Variants in ZNF232 observed in about 807,000 individuals in gnomAD.
The protein encoded by ZNF232 is zinc finger protein 232, also known as zinc finger and SCAN domain-containing protein 11.
In ZNF232, 25 loss-of-function variants were observed where a neutral mutation model predicts 25.2. The ratio of observed to expected loss-of-function variants is 0.99; its 90% CI spans 0.72 to 1.39. The LOEUF (loss-of-function observed/expected upper bound fraction) is 1.39. Ranked by LOEUF, ZNF232 falls within the 40% of genes most tolerant of loss-of-function variation. ZNF232 has a pLI of 0.00. For missense variants in ZNF232, 519 were observed against 520.9 expected (o/e 1.00, Z 0.04); for synonymous variants, 193 against 182.9 (o/e 1.06, Z -0.45).
intron 3 of ZNF232, among the ~76,000 whole-genome samples, chr17:5,107,234 G>C (rs1211911992): frequency 1.3e-5 from 2 of 151,166 alleles, no homozygotes; most frequent in African/African-American, 2.4e-5. Context: ...TAAAAATACA[G>C]AAAATTAGCC....
chr17:5,112,048 G>C (rs968170912), upstream of ZNF232: 32 of 636,722 alleles, frequency 5.0e-5, no homozygotes, highest in South Asian at 6.2e-4. Context: ...TGCACGACTG[G>C]ACTGGAGCGG....
At chr17:5,113,444 T>G (rs1036063951), upstream of ZNF232, 1 of 152,252 alleles carries the variant, frequency 6.6e-6, no homozygotes, top group East Asian at 1.9e-4. Flanking sequence ...TGACAGAGCC[T>G]GAATTTCAGT....
At chr17:5,119,427 C>G (rs1004228839) in intron 1 of ZNF232, among the ~76,000 whole-genome samples, 4 of 152,178 alleles carry the variant, frequency 2.6e-5, no homozygotes, top group Non-Finnish European at 5.9e-5. Flanking sequence ...AAAATTAACT[C>G]TTTTGTCCTT....
upstream of ZNF232, chr17:5,113,939 C>A (rs1012941968): frequency 1.1e-4 from 17 of 152,104 alleles, no homozygotes; most frequent in African/African-American, 3.9e-4. Context: ...AGCAAAGGAA[C>A]TAGAAGCTTA....
intron 1 of ZNF232, among the ~76,000 whole-genome samples, chr17:5,119,942 C>A (rs1180929341): frequency 6.6e-6 from 1 of 152,144 alleles, no homozygotes; most frequent in Non-Finnish European, 1.5e-5. Flanking sequence ...CACCTCTCTG[C>A]CCCCTCTCCT....
exon 4 of ZNF232, chr17:5,105,823 T>C (rs772197699): frequency 1.3e-6 from 2 of 1,573,732 alleles, no homozygotes; most frequent in Non-Finnish European, 1.7e-6. Flanking sequence ...TCCCCTTCAA[T>C]TCAATGGGAA....
chr17:5,115,058 G>C (rs1442852613), upstream of ZNF232: 1 of 152,190 alleles, frequency 6.6e-6, no homozygotes, highest in African/African-American at 2.4e-5. Context: ...GAGGAAAACT[G>C]GGGGCTGATG....
At chr17:5,120,564 G>C (rs2072631568) in intron 1 of ZNF232, 1 of 353,248 alleles carries the variant, frequency 2.8e-6, no homozygotes, top group Non-Finnish European at 5.5e-6. Context: ...GGGAAAGAAG[G>C]CAGGCCCCAG....
intron 1 of ZNF232, chr17:5,111,588 A>G (rs2072411111): frequency 2.1e-5 from 14 of 669,204 alleles, no homozygotes; most frequent in Non-Finnish European, 3.5e-5. Flanking sequence ...TCGAGAAAAG[A>G]GAAGAGGAAC....
exon 2 of ZNF232, chr17:5,109,606 C>T (rs1384057587): frequency 3.1e-6 from 5 of 1,614,098 alleles, no homozygotes; most frequent in African/African-American, 2.7e-5. Context: ...TGGCTCAAGG[C>T]CTCCCGGGGA....
chr17:5,106,245 C>T, exon 4 of ZNF232: 1 of 1,614,260 alleles, frequency 6.2e-7, no homozygotes, highest in Non-Finnish European at 8.5e-7. Flanking sequence ...ACATTCACTA[C>T]ATTCATGGTC....
chr17:5,106,067 A>G, exon 4 of ZNF232: 1 of 1,614,180 alleles, frequency 6.2e-7, no homozygotes, highest in African/African-American at 1.3e-5. Context: ...AGGCCTTCCC[A>G]CATTCATTAC....
intron 1 of ZNF232, among the ~76,000 whole-genome samples, chr17:5,121,124 T>C (rs3930860): frequency 0.98 from 149,514 of 152,296 alleles, 73,470 homozygotes; most frequent in East Asian, 1. Context: ...GGGACAGCAA[T>C]AGGTGCAAAA....
At position 5,106,560 on chromosome 17, in the gene ZNF232, G is replaced by T. The variant is rs772090462; in HGVS notation, c.626-54C>A. On this transcript the variant is annotated intron_variant, in intron 3 of 3. Coordinates refer to ENST00000575898, the Ensembl canonical transcript of ZNF232. ...TGGATGTATGAAGAAATGACACTTA[G>T]ATTAAAATGTATATTTCTGGAATGA... The T allele has an allele frequency of 3.4e-4, 520 of 1,530,302 alleles. 3 individuals are homozygous for T. Among genetic ancestry groups the T allele is most frequent in the Non-Finnish European group, 1.9e-5 (21 of 1,130,508 alleles). 94.8% of individuals were successfully genotyped at this position (1,530,302 alleles called of 1,614,324 possible).
chr17:5,122,625 G>GAACGGCCGGCTGC (rs2072721301), intron 1 of ZNF232, among the ~76,000 whole-genome samples: 1 of 152,186 alleles, frequency 6.6e-6, no homozygotes, highest in African/African-American at 2.4e-5. Flanking sequence ...GGCCCTCCCG[G>GAACGGCCGGCTGC]AACGGCCGGC....
At chr17:5,112,618 A>ATT (rs553692280), upstream of ZNF232, among the ~76,000 whole-genome samples, 5 of 143,796 alleles carry the variant, frequency 3.5e-5, no homozygotes, top group Admixed American at 6.9e-5. Context: ...CGCCCGGCTA[A>ATT]TTTTTTTTTT....
upstream of ZNF232, chr17:5,113,350 AGGGATTGTATT>A (rs2072461955): frequency 6.6e-6 from 1 of 152,252 alleles, no homozygotes; most frequent in South Asian, 2.1e-4. Context: ...TTGCTCCACA[AGGGATTGTATT>A]AATGTCATTA....
chr17:5,110,699 T>C (rs1178527338), intron 1 of ZNF232, among the ~76,000 whole-genome samples: 1 of 152,200 alleles, frequency 6.6e-6, no homozygotes, highest in Non-Finnish European at 1.5e-5. Context: ...AAGTCTCGGG[T>C]ACAGTGGCCT....
At position 5,105,942 on chromosome 17, in the gene ZNF232, C is replaced by T. The variant is rs866147765; in HGVS notation, c.1190G>A (p.Arg397Gln). 28 of 1,614,022 alleles carry T rather than the reference C, an allele frequency of 1.7e-5. No homozygotes were observed. The highest frequency in any genetic ancestry group is 1.6e-4 in the Middle Eastern group (1 of 6,084). ...AGGTTTCTCTCCACTGTGAATTCTC[C>T]GATGCTGACTTAGATATGAGCTTTG... The change falls in exon 4 of 4, where the codon CGG becomes CAG. Residue 397 changes from arginine (R) to glutamine (Q), a missense_variant. Transcript: ENST00000575898.
Sources: allele counts gnomAD v4.1 joint callset (sites outside exome capture counted in the v4.1 genomes callset), GRCh38; gene constraint gnomAD v4.1.1; transcripts MANE v1.5; gene names NCBI Gene and HGNC (gene_info 2026-07-23, HGNC 2026-07-21).